Variants in INTS6 observed in about 807,000 individuals in gnomAD.
INTS6 encodes the protein integrator complex subunit 6.
Under a neutral mutation model 104.9 loss-of-function variants are expected in INTS6, and 16 were observed. The ratio of observed to expected loss-of-function variants is 0.15; its 90% CI spans 0.10 to 0.23. The LOEUF (loss-of-function observed/expected upper bound fraction) is 0.23, where lower values mean the gene tolerates loss of function less well. INTS6 is among the 10% of genes least tolerant of loss of function. INTS6 has a pLI of 1.00. For synonymous variants in INTS6, 324 were observed against 358.7 expected (o/e 0.90, Z 1.09); for missense variants, 584 against 1,062.8 (o/e 0.55, Z 6.26).
At chr13:51,371,795 C>T (rs948121707) in intron 15 of INTS6, among the ~76,000 whole-genome samples, 4 of 152,076 alleles carry the variant, frequency 2.6e-5, no homozygotes, top group African/African-American at 9.7e-5. Context: ...TCACCTTCTA[C>T]CTCACAGAGC....
intron 4 of INTS6, among the ~76,000 whole-genome samples, chr13:51,396,046 C>A (rs1404025772): frequency 2.0e-5 from 3 of 152,068 alleles, no homozygotes; most frequent in Non-Finnish European, 2.9e-5. Context: ...GACCCACACG[C>A]CTCGGCCTCT....
In INTS6 at chr13:51,395,358, C is replaced by G. The variant is rs757017771; in HGVS notation, c.555G>C (p.Gln185His). Residue 185 changes from glutamine (Q) to histidine (H), a missense_variant, in exon 5 of 18, where the codon CAG becomes CAC. Physicochemically the swap from Gln to His is conservative, Grantham distance 24. This residue lies in a region of INTS6 where 144 missense variants were observed against 348.7 expected (regional missense o/e 0.41). Coordinates refer to ENST00000311234, the MANE Select transcript of INTS6 (RefSeq NM_012141.3). ...LPGTMSVESE[Q>H]LTGVPLDDSA... is the part of the protein sequence containing the mutation. ...AGTCATCTAAAGGCACACCTGTCAACTGTTCTGATTCTACTGACATGGTGC... is the reference window on the plus strand; with the variant it reads ...AGTCATCTAAAGGCACACCTGTCAAGTGTTCTGATTCTACTGACATGGTGC... The G allele has an allele frequency of 6.2e-7, 1 of 1,613,840 alleles. No homozygotes were observed. Among genetic ancestry groups the G allele is most frequent in the Non-Finnish European group, 8.5e-7 (1 of 1,179,864 alleles).
intron 3 of INTS6, among the ~76,000 whole-genome samples, chr13:51,355,318 G>C (rs531113336): frequency 1.3e-5 from 2 of 152,242 alleles, no homozygotes; most frequent in South Asian, 4.2e-4. Context: ...GTTAGATCTT[G>C]TGAGGAAGGG....
At chr13:51,340,600 G>A in the INTS6 span, among the ~76,000 whole-genome samples, 5 of 152,174 alleles carry the variant, frequency 3.3e-5, no homozygotes, top group Non-Finnish European at 5.9e-5. Flanking sequence ...ACAGATACTA[G>A]TGAGATTGTT....
At chr13:51,415,129 T>A (rs1378573423) in intron 4 of INTS6, among the ~76,000 whole-genome samples, 1 of 152,072 alleles carries the variant, frequency 6.6e-6, no homozygotes, top group Non-Finnish European at 1.5e-5. Flanking sequence ...GAGAGTTTTT[T>A]TTTTTAAAGG....
intron 4 of INTS6, among the ~76,000 whole-genome samples, chr13:51,426,841 C>T (rs552093759): frequency 6.6e-6 from 1 of 151,946 alleles, no homozygotes; most frequent in Admixed American, 6.6e-5. Flanking sequence ...TAGAATCAAG[C>T]AAAAAGGCAG....
At chr13:51,406,502 A>AGGT (rs1167644288) in intron 4 of INTS6, among the ~76,000 whole-genome samples, 1 of 152,158 alleles carries the variant, frequency 6.6e-6, no homozygotes, top group Admixed American at 6.5e-5. Flanking sequence ...ATATGTCAGC[A>AGGT]GGTTTTACTG....
rs1161200939 is a variant in INTS6 at position 51,369,127 on chromosome 13, T to C, written c.2288A>G (p.Asn763Ser). 2 of 1,613,768 alleles carry C rather than the reference T, an allele frequency of 1.2e-6. No homozygotes were observed. The highest frequency in any genetic ancestry group is 2.7e-5 in the African/African-American group (2 of 74,898). Residue 763 changes from asparagine (N) to serine (S), a missense_variant, in exon 16 of 18, where the codon AAT (asparagine) becomes AGT (serine). Physicochemically the swap from Asn to Ser is conservative, Grantham distance 46 (BLOSUM62 1). This residue lies in a region of INTS6 where 296 missense variants were observed against 437.0 expected (regional missense o/e 0.68). Transcript: ENST00000311234. The stretch of plus-strand genomic sequence containing the variant: ...TAAAAATCCACCAACAGTGAGGTCA[T>C]TGGTTCCTAAATGGTCATGACCAAG... ...EALGHDHLGT[N>S]DLTVGGFLEN...
chr13:51,361,682 C>A lies in INTS6; in HGVS notation c.*4070G>T. The A allele has an allele frequency of 2.4e-6, 2 of 821,058 alleles. No individual in the cohort carries two copies. Among genetic ancestry groups the A allele is most frequent in the Non-Finnish European group, 3.7e-6 (2 of 540,784 alleles). 50.9% of individuals were successfully genotyped at this position (821,058 alleles called of 1,614,324 possible). A position where few individuals can be genotyped will look rare whatever the true frequency, so the allele number is the denominator to read the frequency against. Reference sequence around the variant, plus strand: ...AATTTTCCCATCTGCACCCCCATCACAACAGTAAACAATCAAATGCCATTA... The same window carrying A: ...AATTTTCCCATCTGCACCCCCATCAAAACAGTAAACAATCAAATGCCATTA... On this transcript the variant is annotated 3_prime_UTR_variant, in exon 18 of 18. Coordinates refer to ENST00000311234, the MANE Select transcript of INTS6 (RefSeq NM_012141.3).
chr13:51,370,285 G>A lies in INTS6; in HGVS notation c.2105-975C>T, dbSNP rs117949515. On this transcript the variant is annotated intron_variant, in intron 15 of 17. Transcript: ENST00000311234. ...TGCACAATCTCCATAGGCATAAAAG[G>A]ACATGGAGTCACTGATTCCTTCACT... 3.3e-4 allele frequency among the ~76,000 whole-genome samples: 50 copies of A among 152,226 alleles called. No individual in the cohort carries two copies. In the East Asian group the frequency reaches 8.3e-3, roughly 25 times the overall value.
chr13:51,450,314 T>A, intron 3 of INTS6: 1 of 985,398 alleles, frequency 1.0e-6, no homozygotes, highest in Non-Finnish European at 1.2e-6. Context: ...TGAATTATTG[T>A]TGATTTAAAG....
At chr13:51,334,431 A>G in the INTS6 span, among the ~76,000 whole-genome samples, 2 of 152,328 alleles carry the variant, frequency 1.3e-5, no homozygotes, top group East Asian at 3.9e-4. Flanking sequence ...ATTTTATTAA[A>G]ATAATCTATG....
the INTS6 span, chr13:51,341,158 C>T: frequency 5.2e-5 from 84 of 1,613,908 alleles, no homozygotes; most frequent in Non-Finnish European, 6.8e-5. Context: ...TGGCCACCTC[C>T]GTGAAGGAAT....
downstream of INTS6, among the ~76,000 whole-genome samples, chr13:51,351,030 T>A (rs1204511050): frequency 6.6e-6 from 1 of 152,216 alleles, no homozygotes; most frequent in Admixed American, 6.5e-5. Flanking sequence ...GTACATTTTG[T>A]TTACCTATTC....
At chr13:51,450,884 T>C in intron 3 of INTS6, 141 bp downstream of exon 3, 10 of 1,293,068 alleles carry the variant, frequency 7.7e-6, no homozygotes, top group Non-Finnish European at 9.8e-6. Flanking sequence ...GGTAAGAGTT[T>C]TGCCTTTGAA....
intron 4 of INTS6, among the ~76,000 whole-genome samples, chr13:51,404,103 C>CACACACACACACACACACACACAG (rs1491389220): frequency 4.8e-5 from 5 of 103,966 alleles, no homozygotes; most frequent in South Asian, 6.7e-4. Flanking sequence ...CACACACACA[C>CACACACACACACACACACACACAG]AGAGAGAGAG....
At chr13:51,340,997 C>T in the INTS6 span, 2 of 1,433,248 alleles carry the variant, frequency 1.4e-6, no homozygotes, top group Non-Finnish European at 1.9e-6. Context: ...AGCTGGGGGT[C>T]CCAGTCCTCT....
chr13:51,353,653 T>C (rs746103978), downstream of INTS6, among the ~76,000 whole-genome samples: 1 of 152,210 alleles, frequency 6.6e-6, no homozygotes, highest in Non-Finnish European at 1.5e-5. Context: ...TTTGGAGAAA[T>C]GTCAGCATAC....
intron 3 of INTS6, among the ~76,000 whole-genome samples, chr13:51,432,885 C>T (rs1195891018): frequency 6.6e-6 from 1 of 152,156 alleles, no homozygotes; most frequent in African/African-American, 2.4e-5. Context: ...TACTCTCATA[C>T]ATAATAAACA....
Sources: allele counts gnomAD v4.1 joint callset (sites outside exome capture counted in the v4.1 genomes callset), GRCh38; gene constraint gnomAD v4.1.1; regional missense constraint gnomAD v4.1.1; transcripts MANE v1.5; gene names NCBI Gene and HGNC (gene_info 2026-07-23, HGNC 2026-07-21).